PHLDB2: variants seen among roughly 807,000 people sequenced by gnomAD.
PHLDB2 encodes pleckstrin homology-like domain family B member 2.
Under a neutral mutation model 123.6 loss-of-function variants are expected in PHLDB2, and 71 were observed. That is an observed-to-expected ratio of 0.57 (90% CI 0.47 to 0.70). The LOEUF is 0.70. PHLDB2 is among the 30% of genes least tolerant of loss of function. The pLI is 0.00. For missense variants in PHLDB2, 1,446 were observed against 1,519.5 expected, an observed-to-expected ratio of 0.95 and a Z score of 0.80; for synonymous variants, 547 against 541.6, an observed-to-expected ratio of 1.01 and a Z score of -0.14.
chr3:111,971,589 T>G (rs2072185902), intron 16 of PHLDB2, among the ~76,000 whole-genome samples: 1 of 152,180 alleles, frequency 6.6e-6, no homozygotes, highest in African/African-American at 2.4e-5. Flanking sequence ...CAAACGCTGC[T>G]CGTTCGGTTC....
intron 2 of PHLDB2, among the ~76,000 whole-genome samples, chr3:111,890,071 A>G (rs941377006): frequency 1.3e-5 from 2 of 152,200 alleles, no homozygotes; most frequent in African/African-American, 4.8e-5. Flanking sequence ...GTACACAAAT[A>G]GAAAAACAAA....
chr3:111,753,785 C>A (rs2059829903), intron 1 of PHLDB2, among the ~76,000 whole-genome samples: 1 of 152,090 alleles, frequency 6.6e-6, no homozygotes, highest in South Asian at 2.1e-4. Flanking sequence ...GGTTTTAGGT[C>A]TAACGTTTAA....
rs568654011 is a variant in PHLDB2 at position 111,884,981 on chromosome 3, C to G, written c.904C>G (p.Leu302Val). 8 of 1,614,058 alleles carry G rather than the reference C, an allele frequency of 5.0e-6. No homozygotes were observed. The highest frequency in any genetic ancestry group is 6.8e-6 in the Non-Finnish European group (8 of 1,179,988). ...TAGCGTAATAGACAATGACAATTACCTTAATTTTTCTTCTTTGAGCTCAGG... is the reference window on the plus strand; with the variant it reads ...TAGCGTAATAGACAATGACAATTACGTTAATTTTTCTTCTTTGAGCTCAGG... ...PHSVIDNDNY[L>V]NFSSLSSGAL... The change falls in exon 2 of 18, where the codon CTT becomes GTT. Residue 302 changes from leucine (L) to valine (V), a missense_variant. By Grantham distance (32) the Leu-to-Val change is conservative (BLOSUM62 1). Coordinates refer to ENST00000431670, the MANE Select transcript of PHLDB2 (RefSeq NM_001134438.2).
At position 111,969,906 on chromosome 3, in the gene PHLDB2, G is replaced by T. The variant is rs770949066; in HGVS notation, c.3532G>T (p.Ala1178Ser). 1.5e-5 allele frequency: 25 copies of T among 1,613,454 alleles called. No homozygotes were observed. Among genetic ancestry groups the T allele is most frequent in the Non-Finnish European group, 2.0e-5 (24 of 1,179,570 alleles). The change falls in exon 16 of 18, where the codon GCA becomes TCA. Residue 1178 changes from alanine (A) to serine (S), a missense_variant. Coordinates refer to ENST00000431670, the MANE Select transcript of PHLDB2 (RefSeq NM_001134438.2). ...GAACAAGCGAACATTCTCTTATTATGCAGGTGGGTGATAAAAACAATTTAA... is the reference window on the plus strand; with the variant it reads ...GAACAAGCGAACATTCTCTTATTATTCAGGTGGGTGATAAAAACAATTTAA... Reference protein sequence around the residue: ...DRNKRTFSYYADKHETKLKGV... With the variant: ...DRNKRTFSYYSDKHETKLKGV...
chr3:111,917,088 A>G (rs1228093466), intron 3 of PHLDB2: 3 of 152,204 alleles, frequency 2.0e-5, no homozygotes, highest in Non-Finnish European at 2.9e-5. Context: ...ATGAGATTAC[A>G]TTGTCCTCAC....
At chr3:111,955,848 T>C (rs2071020595) in intron 12 of PHLDB2, among the ~76,000 whole-genome samples, 1 of 152,208 alleles carries the variant, frequency 6.6e-6, no homozygotes, top group Non-Finnish European at 1.5e-5. Context: ...AGGTGTTTAA[T>C]TGAAAGAGCA....
intron 2 of PHLDB2, among the ~76,000 whole-genome samples, chr3:111,897,930 AAAGTT>A (rs1448258430): frequency 6.6e-6 from 1 of 152,266 alleles, no homozygotes; most frequent in Non-Finnish European, 1.5e-5. Flanking sequence ...AGTGCATATT[AAAGTT>A]ATGTTTACAC....
At chr3:111,822,092 G>A (rs1299062239) in intron 1 of PHLDB2, among the ~76,000 whole-genome samples, 4 of 152,014 alleles carry the variant, frequency 2.6e-5, no homozygotes, top group Non-Finnish European at 1.5e-5. Context: ...GCAAATTTGG[G>A]TGATATGTCA....
At chr3:111,808,020 C>A (rs1489415131) in intron 1 of PHLDB2, among the ~76,000 whole-genome samples, 1 of 148,188 alleles carries the variant, frequency 6.7e-6, no homozygotes, top group Non-Finnish European at 1.5e-5. Context: ...ATTAGAGTCA[C>A]CTGGGGAGTG....
At chr3:111,963,960 A>C (rs2071588146) in intron 13 of PHLDB2, among the ~76,000 whole-genome samples, 1 of 152,156 alleles carries the variant, frequency 6.6e-6, no homozygotes. Flanking sequence ...AGCTTATCTT[A>C]GAGTATCATA....
intron 8 of PHLDB2, among the ~76,000 whole-genome samples, chr3:111,944,201 G>A (rs1009058242): frequency 2.6e-5 from 4 of 152,104 alleles, no homozygotes; most frequent in Admixed American, 1.3e-4. Flanking sequence ...TAGTGTTAAG[G>A]CCGTGGAAAT....
At chr3:111,808,292 G>A (rs1046385778) in intron 1 of PHLDB2, among the ~76,000 whole-genome samples, 1 of 152,016 alleles carries the variant, frequency 6.6e-6, no homozygotes, top group Non-Finnish European at 1.5e-5. Context: ...TACCCACCCA[G>A]ATGTTCTATC....
At chr3:111,748,449 G>A (rs772847274) in intron 1 of PHLDB2, among the ~76,000 whole-genome samples, 13 of 152,150 alleles carry the variant, frequency 8.5e-5, no homozygotes, top group Non-Finnish European at 1.3e-4. Flanking sequence ...ATAGTCAAAA[G>A]TCCATTTCAC....
In PHLDB2 at chr3:111,976,395, A is replaced by T. The variant is rs951449347; in HGVS notation, c.*1832A>T. The stretch of plus-strand genomic sequence containing the variant: ...TTATGATTTGTAGTGTATAAACTGA[A>T]GTATTCCAATAGAAGTATCTCTGGT... On this transcript the variant is annotated 3_prime_UTR_variant, in exon 18 of 18. Coordinates refer to ENST00000431670, the MANE Select transcript of PHLDB2 (RefSeq NM_001134438.2). The T allele has an allele frequency of 2.0e-5, 3 of 152,232 alleles. No individual in the cohort carries two copies. Among genetic ancestry groups the T allele is most frequent in the Non-Finnish European group, 4.4e-5 (3 of 68,040 alleles). 9.4% of individuals were successfully genotyped at this position (152,232 alleles called of 1,614,324 possible). A position where few individuals can be genotyped will look rare whatever the true frequency, so the allele number is the denominator to read the frequency against.
At chr3:111,911,369 C>G (rs2067869916) in intron 2 of PHLDB2, among the ~76,000 whole-genome samples, 1 of 152,262 alleles carries the variant, frequency 6.6e-6, no homozygotes, top group Non-Finnish European at 1.5e-5. Flanking sequence ...AGATTCGCCT[C>G]TAATATAGAT....
chr3:111,807,951 T>G (rs894705002), intron 1 of PHLDB2, among the ~76,000 whole-genome samples: 10 of 98,912 alleles, frequency 1.0e-4, no homozygotes, highest in Admixed American at 3.9e-4. Context: ...TGGGTGTTTT[T>G]TTTTTTTTTT....
intron 1 of PHLDB2, among the ~76,000 whole-genome samples, chr3:111,838,408 C>T (rs2063515767): frequency 1.3e-5 from 2 of 152,146 alleles, no homozygotes; most frequent in Admixed American, 1.3e-4. Flanking sequence ...AAACTGTTCT[C>T]AGAAAAGCAG....
chr3:111,974,006 C>G (rs769004784), intron 17 of PHLDB2, among the ~76,000 whole-genome samples, 189 bp downstream of exon 17: 1 of 152,038 alleles, frequency 6.6e-6, no homozygotes, highest in Non-Finnish European at 1.5e-5. Flanking sequence ...AATATCATAG[C>G]AAATTGAGGA....
chr3:111,820,889 C>T (rs898989451), intron 1 of PHLDB2, among the ~76,000 whole-genome samples: 1 of 152,210 alleles, frequency 6.6e-6, no homozygotes. Context: ...GATATTAACA[C>T]ACTTCAGAAT....
Sources: allele counts gnomAD v4.1 joint callset (sites outside exome capture counted in the v4.1 genomes callset), GRCh38; gene constraint gnomAD v4.1.1; transcripts MANE v1.5; gene names NCBI Gene and HGNC (gene_info 2026-07-23, HGNC 2026-07-21).